The following MDH1 variants were observed in gnomAD, a reference collection of about 807,000 sequenced individuals.
MDH1 encodes the protein malate dehydrogenase 1.
MDH1 carries 15 observed loss-of-function variants against 38.7 expected under a neutral mutation model. That is an observed-to-expected ratio of 0.39 (90% CI 0.26 to 0.60). MDH1 has a LOEUF of 0.60. Ranked by LOEUF, MDH1 falls within the 20% of genes least tolerant of loss-of-function variation. MDH1 has a pLI of 0.56. For synonymous variants in MDH1, 144 were observed against 143.6 expected (o/e 1.00, Z -0.02); for missense variants, 368 against 405.2 (o/e 0.91, Z 0.79).
chr2:63,603,292 A>G (rs1246053286), intron 5 of MDH1, among the ~76,000 whole-genome samples: 2 of 152,130 alleles, frequency 1.3e-5, no homozygotes, highest in African/African-American at 4.8e-5. Flanking sequence ...GAGTTGTTTC[A>G]GTTTGGAGCT....
At chr2:63,599,438 T>A in intron 5 of MDH1, 146 bp downstream of exon 5, 1 of 772,952 alleles carries the variant, frequency 1.3e-6, no homozygotes, top group Non-Finnish European at 1.9e-6. Context: ...AAAAGTAAAT[T>A]ATTATTCATT....
At chr2:63,599,098 A>C in intron 4 of MDH1, 72 bp from the exon 5 acceptor site, 1 of 1,489,152 alleles carries the variant, frequency 6.7e-7, no homozygotes, top group East Asian at 2.4e-5. Context: ...AGACATTTTC[A>C]GTCAAATTTT....
chr2:63,594,774 C>T, intron 2 of MDH1, 188 bp downstream of exon 2: 1 of 511,752 alleles, frequency 2.0e-6, no homozygotes, highest in Non-Finnish European at 3.5e-6. Flanking sequence ...ACTGAAAACA[C>T]TTTGCAAATG....
Position 63,605,317 on chromosome 2 carries a change from G to A in MDH1, c.713G>A (p.Arg238Gln), listed in dbSNP as rs776061378. The A allele has an allele frequency of 4.3e-6, 7 of 1,614,138 alleles. No homozygotes were observed. The highest frequency in any genetic ancestry group is 5.9e-6 in the Non-Finnish European group (7 of 1,180,006). Reference protein sequence around the residue: ...QQRGAAVIKARKLSSAMSAAK... With the variant: ...QQRGAAVIKAQKLSSAMSAAK... ...CGTGGCGCTGCTGTCATCAAGGCTC[G>A]AAAACTATCCAGTGCCATGTCTGCT... Residue 238 changes from arginine to glutamine, a missense_variant, in exon 7 of 9, where the codon CGA becomes CAA. Transcript: ENST00000233114.
At chr2:63,589,449 A>T (rs1006336164) in intron 1 of MDH1, 2 of 1,481,450 alleles carry the variant, frequency 1.4e-6, no homozygotes, top group Non-Finnish European at 1.8e-6. Context: ...CACAGTGTTT[A>T]TAACGGCTTT....
intron 5 of MDH1, among the ~76,000 whole-genome samples, chr2:63,601,887 C>G (rs1367814370): frequency 6.6e-6 from 1 of 152,110 alleles, no homozygotes. Flanking sequence ...TATACCATAC[C>G]AGCTAAATTT....
intron 8 of MDH1, among the ~76,000 whole-genome samples, chr2:63,606,353 A>C (rs1709527876): frequency 6.6e-6 from 1 of 152,218 alleles, no homozygotes. Context: ...TCCACCAGGC[A>C]ACAGAACGGG....
At chr2:63,599,651 CAA>C (rs1189977152) in intron 5 of MDH1, 1 of 154,976 alleles carries the variant, frequency 6.5e-6, no homozygotes, top group Non-Finnish European at 1.4e-5. Context: ...CTCATATAAA[CAA>C]AGACTTGAGC....
Position 63,605,386 on chromosome 2 carries a change from C to A in MDH1, c.782C>A (p.Thr261Asn), listed in dbSNP as rs772760625. The A allele has an allele frequency of 1.2e-6, 2 of 1,609,882 alleles. No homozygotes were observed. Among genetic ancestry groups the A allele is most frequent in the Non-Finnish European group, 1.7e-6 (2 of 1,176,098 alleles). Residue 261 changes from threonine to asparagine, a missense_variant, in exon 7 of 9, where the codon ACC (threonine) becomes AAC (asparagine). Physicochemically the swap from Thr to Asn is moderately conservative, Grantham distance 65. Coordinates refer to ENST00000233114, the MANE Select transcript of MDH1 (RefSeq NM_005917.4). ...CACGTCAGGGACATCTGGTTTGGAA[C>A]CCCAGAGGTAAGGATTTAGTGATTT... ...CDHVRDIWFGTPEGEFVSMGV... is the reference protein window; with the variant it reads ...CDHVRDIWFGNPEGEFVSMGV...
chr2:63,604,189 A>G (rs1709484136), intron 5 of MDH1, among the ~76,000 whole-genome samples: 1 of 152,236 alleles, frequency 6.6e-6, no homozygotes, highest in Non-Finnish European at 1.5e-5. Flanking sequence ...TTTGAGTCCT[A>G]TCCAACTCTA....
intron 5 of MDH1, among the ~76,000 whole-genome samples, chr2:63,602,053 G>C (rs1391417808): frequency 2.6e-5 from 4 of 152,210 alleles, no homozygotes; most frequent in Non-Finnish European, 5.9e-5. Context: ...GAACTAATTT[G>C]TGGAGACTAA....
chr2:63,594,125 T>C (rs1709256688), intron 1 of MDH1, among the ~76,000 whole-genome samples: 1 of 152,310 alleles, frequency 6.6e-6, no homozygotes, highest in Admixed American at 6.5e-5. Context: ...ATTGAGCAGA[T>C]GGGAGTGGGG....
At chr2:63,604,001 G>T (rs1480497036) in intron 5 of MDH1, among the ~76,000 whole-genome samples, 5 of 152,212 alleles carry the variant, frequency 3.3e-5, no homozygotes, top group Non-Finnish European at 1.5e-5. Flanking sequence ...TGTACTACAT[G>T]TGATTGCAAG....
chr2:63,589,398 G>A (rs1362558873), intron 1 of MDH1: 2 of 1,549,210 alleles, frequency 1.3e-6, no homozygotes, highest in African/African-American at 2.7e-5. Flanking sequence ...TGCGATGGGA[G>A]GGAAAGGTTG....
intron 5 of MDH1, among the ~76,000 whole-genome samples, chr2:63,601,976 C>T (rs937647599): frequency 5.9e-5 from 9 of 152,296 alleles, no homozygotes; most frequent in Middle Eastern, 3.4e-3. Flanking sequence ...CATTGAACAG[C>T]GTGCCACTCT....
At chr2:63,593,634 G>C (rs772672936) in intron 1 of MDH1, 5 of 471,524 alleles carry the variant, frequency 1.1e-5, no homozygotes, top group South Asian at 7.7e-5. Flanking sequence ...TGCAGGTAGG[G>C]GTAAAGGTGA....
rs568957067 is a variant in MDH1, at chr2:63,603,606, C to A, written c.499-1090C>A. ...ATTTATTTTCTGCACATAAACTTAT[C>A]AGACAAATAACAAGCAGGCTGATTT... On this transcript the variant is annotated intron_variant, in intron 5 of 8. Transcript: ENST00000233114. Among the ~76,000 whole-genome samples the A allele has an allele frequency of 5.3e-5, 8 of 150,880 alleles. No homozygotes were observed. In the East Asian group the frequency reaches 1.6e-3, roughly 29 times the overall value.
chr2:63,589,294 C>G (rs1054637967), intron 1 of MDH1: 1 of 1,550,776 alleles, frequency 6.4e-7, no homozygotes, highest in Admixed American at 2.0e-5. Context: ...GGGAGAGGAG[C>G]GATCTTAATC....
At chr2:63,595,331 T>C (rs1709286658) in intron 2 of MDH1, 92 bp from the exon 3 acceptor site, 3 of 797,900 alleles carry the variant, frequency 3.8e-6, no homozygotes, top group African/African-American at 1.7e-5. Context: ...ATTACATGCA[T>C]GTACATACCA....
Sources: allele counts gnomAD v4.1 joint callset (sites outside exome capture counted in the v4.1 genomes callset), GRCh38; gene constraint gnomAD v4.1.1; transcripts MANE v1.5; gene names NCBI Gene and HGNC (gene_info 2026-07-23, HGNC 2026-07-21).